The following MAF variants were observed in gnomAD, a reference collection of about 807,000 sequenced individuals.
MAF encodes transcription factor Maf.
MAF carries 10 observed loss-of-function variants against 22.0 expected under a neutral mutation model. The ratio of observed to expected loss-of-function variants is 0.45; its 90% CI spans 0.28 to 0.77. MAF has a LOEUF of 0.77. MAF is among the 30% of genes least tolerant of loss of function. The pLI is 0.12. For synonymous variants in MAF, 337 were observed against 255.8 expected, an observed-to-expected ratio of 1.32 and a Z score of -3.03; for missense variants, 544 against 548.4, an observed-to-expected ratio of 0.99 and a Z score of 0.08.
chr16:79,357,805 T>G, the MAF span, among the ~76,000 whole-genome samples: 23 of 152,264 alleles, frequency 1.5e-4, no homozygotes, highest in Non-Finnish European at 3.1e-4. Context: ...TTCTCCTCCC[T>G]GCCCAGTGTC....
chr16:79,259,099 C>T, the MAF span, among the ~76,000 whole-genome samples: 2 of 152,162 alleles, frequency 1.3e-5, no homozygotes, highest in Admixed American at 6.5e-5. Flanking sequence ...CTGCTTGTAG[C>T]ACTTCGTGTA....
At chr16:79,461,891 A>G in the MAF span, among the ~76,000 whole-genome samples, 1 of 152,074 alleles carries the variant, frequency 6.6e-6, no homozygotes, top group Admixed American at 6.6e-5. Flanking sequence ...CAGCCCTACC[A>G]TGATTTTTTG....
the MAF span, among the ~76,000 whole-genome samples, chr16:79,555,400 A>G: frequency 6.6e-6 from 1 of 152,194 alleles, no homozygotes; most frequent in Non-Finnish European, 1.5e-5. Flanking sequence ...CCTCTGAGCC[A>G]TGGTGTACTG....
At chr16:79,437,839 G>A in the MAF span, among the ~76,000 whole-genome samples, 5 of 152,196 alleles carry the variant, frequency 3.3e-5, no homozygotes, top group Non-Finnish European at 7.3e-5. Flanking sequence ...CCTTGGCTGG[G>A]AAGGGGGTTC....
At chr16:79,442,989 C>G in the MAF span, among the ~76,000 whole-genome samples, 1 of 152,144 alleles carries the variant, frequency 6.6e-6, no homozygotes, top group Admixed American at 6.5e-5. Context: ...GTGTGTATGT[C>G]CCTGTCTTTG....
At chr16:79,581,525 T>G (rs1217439433), downstream of MAF, among the ~76,000 whole-genome samples, 1 of 152,186 alleles carries the variant, frequency 6.6e-6, no homozygotes, top group African/African-American at 2.4e-5. Flanking sequence ...GAACCCAATT[T>G]AAAGGAAGAG....
At chr16:79,343,276 T>G in the MAF span, among the ~76,000 whole-genome samples, 1 of 151,784 alleles carries the variant, frequency 6.6e-6, no homozygotes, top group African/African-American at 2.4e-5. Context: ...GCTCCAGTTC[T>G]TCTCTTCCTG....
the MAF span, among the ~76,000 whole-genome samples, chr16:79,524,395 C>T: frequency 1.3e-5 from 2 of 152,176 alleles, no homozygotes; most frequent in Non-Finnish European, 2.9e-5. Context: ...TTATTTGCAA[C>T]TGGCAAATGA....
chr16:79,376,949 G>C, the MAF span, among the ~76,000 whole-genome samples: 1 of 152,204 alleles, frequency 6.6e-6, no homozygotes, highest in Non-Finnish European at 1.5e-5. Context: ...TTGGTTCCAA[G>C]TCTTTGCTGT....
In MAF at chr16:79,599,084, C is replaced by T; in HGVS notation, c.819G>A (p.Glu273=). The change falls in exon 1 of 2, where the codon GAG becomes GAA. Residue 273 remains glutamate, a synonymous_variant. Transcript: ENST00000326043. The stretch of plus-strand genomic sequence containing the variant: ...TGACCCCGCGCAGCTGCCGGTTCAG[C>T]TCGCGCACAGACATGGTCACCAGCT... The part of the protein sequence containing the change: ...DEQLVTMSVR[E]LNRQLRGVSK... 6.2e-7 allele frequency: 1 copy of T among 1,609,500 alleles called. No homozygotes were observed. The highest frequency in any genetic ancestry group is 8.5e-7 in the Non-Finnish European group (1 of 1,179,612).
In MAF at chr16:79,600,077, C is replaced by CCA; in HGVS notation, c.-176_-175insTG. 1 of 733,144 alleles carries CCA rather than the reference C, an allele frequency of 1.4e-6. No homozygotes were observed. The highest frequency in any genetic ancestry group is 2.1e-6 in the Non-Finnish European group (1 of 478,762). 45.4% of individuals were successfully genotyped at this position (733,144 alleles called of 1,614,324 possible). A position where few individuals can be genotyped will look rare whatever the true frequency, so the allele number is the denominator to read the frequency against. On this transcript the variant is annotated 5_prime_UTR_variant, in exon 1 of 2. Transcript: ENST00000326043. The stretch of plus-strand genomic sequence containing the variant: ...CCGAGCGCGCTCACACACACACCCC[C>CCA]CCGCCCTGCCCGCGCCCCCCGCGCC...
chr16:79,490,518 T>A, the MAF span, among the ~76,000 whole-genome samples: 1 of 152,136 alleles, frequency 6.6e-6, no homozygotes, highest in East Asian at 1.9e-4. Flanking sequence ...CTGCAGCCTT[T>A]AAAAAGAAAG....
chr16:79,421,654 T>TTTTTTTTTTTA, the MAF span, among the ~76,000 whole-genome samples: 3 of 143,642 alleles, frequency 2.1e-5, no homozygotes, highest in Admixed American at 7.0e-5. Flanking sequence ...TTTTTTTTTT[T>TTTTTTTTTTTA]GAGACAGGTT....
the MAF span, among the ~76,000 whole-genome samples, chr16:79,309,124 G>T: frequency 6.6e-6 from 1 of 152,176 alleles, no homozygotes; most frequent in African/African-American, 2.4e-5. Context: ...CAAAGTCAGT[G>T]TTCCATCTAA....
chr16:79,234,549 A>G, the MAF span, among the ~76,000 whole-genome samples: 6 of 152,044 alleles, frequency 3.9e-5, 1 homozygote, highest in Non-Finnish European at 8.8e-5. Flanking sequence ...TCTGAGTTAG[A>G]TTCATCTATA....
At chr16:79,582,603 G>C (rs552422546), downstream of MAF, among the ~76,000 whole-genome samples, 31 of 152,320 alleles carry the variant, frequency 2.0e-4, no homozygotes, top group Non-Finnish European at 4.0e-4. Context: ...AGGCTGTATG[G>C]AAAGGGGGTG....
the MAF span, among the ~76,000 whole-genome samples, chr16:79,455,991 C>T: frequency 6.6e-6 from 1 of 152,020 alleles, no homozygotes; most frequent in Non-Finnish European, 1.5e-5. Flanking sequence ...GCACTCCAGC[C>T]TGGGTGACAC....
the MAF span, among the ~76,000 whole-genome samples, chr16:79,235,988 G>A: frequency 6.6e-6 from 1 of 151,968 alleles, no homozygotes; most frequent in Non-Finnish European, 1.5e-5. Flanking sequence ...CACCGTACCA[G>A]CAATCCTATT....
the MAF span, among the ~76,000 whole-genome samples, chr16:79,504,271 C>G: frequency 6.6e-6 from 1 of 152,302 alleles, no homozygotes; most frequent in East Asian, 1.9e-4. Flanking sequence ...TTTCCCTCCC[C>G]TTTTGTCCCT....
Sources: allele counts gnomAD v4.1 joint callset (sites outside exome capture counted in the v4.1 genomes callset), GRCh38; gene constraint gnomAD v4.1.1; transcripts MANE v1.5; gene names NCBI Gene and HGNC (gene_info 2026-07-23, HGNC 2026-07-21).